The following PITPNC1 variants were observed in gnomAD, a reference collection of about 807,000 sequenced individuals.
The protein encoded by PITPNC1 is phosphatidylinositol transfer protein cytoplasmic 1, also known as cytoplasmic phosphatidylinositol transfer protein 1.
Under a neutral mutation model 44.7 loss-of-function variants are expected in PITPNC1, and 18 were observed. The observed-to-expected ratio is 0.40, with a 90% CI of 0.28 to 0.60. The LOEUF is 0.60. PITPNC1 is among the 20% of genes least tolerant of loss of function. PITPNC1 has a pLI of 0.39. For missense variants in PITPNC1, 290 were observed against 418.4 expected (o/e 0.69, Z 2.68); for synonymous variants, 141 against 149.6 (o/e 0.94, Z 0.42).
At chr17:67,492,930 A>G (rs1477162606) in intron 1 of PITPNC1, among the ~76,000 whole-genome samples, 1 of 152,194 alleles carries the variant, frequency 6.6e-6, no homozygotes, top group Non-Finnish European at 1.5e-5. Flanking sequence ...GTTTGGGGCT[A>G]CGACAAAGAG....
At chr17:67,562,109 C>G (rs1018850102) in intron 4 of PITPNC1, among the ~76,000 whole-genome samples, 1 of 152,208 alleles carries the variant, frequency 6.6e-6, no homozygotes, top group Non-Finnish European at 1.5e-5. Flanking sequence ...CAAACCATCC[C>G]CCATTCAGAA....
intron 1 of PITPNC1, among the ~76,000 whole-genome samples, chr17:67,476,967 C>T (rs1598721948): frequency 6.6e-6 from 1 of 152,182 alleles, no homozygotes; most frequent in Admixed American, 6.5e-5. Context: ...GAATCAGAAC[C>T]TGCATTGCAA....
chr17:67,473,233 C>A (rs975499506), intron 1 of PITPNC1, among the ~76,000 whole-genome samples: 3 of 151,976 alleles, frequency 2.0e-5, no homozygotes, highest in African/African-American at 7.2e-5. Context: ...TAGAGTCTCA[C>A]TATGTTGCCC....
intron 1 of PITPNC1, among the ~76,000 whole-genome samples, chr17:67,381,490 G>T (rs1335764341): frequency 2.1e-5 from 3 of 141,428 alleles, no homozygotes; most frequent in Non-Finnish European, 3.0e-5. Flanking sequence ...TTTTTGAGAC[G>T]GAATCTCCCT....
At chr17:67,650,552 G>A (rs773692385) in intron 6 of PITPNC1, among the ~76,000 whole-genome samples, 3 of 147,252 alleles carry the variant, frequency 2.0e-5, no homozygotes, top group Non-Finnish European at 4.4e-5. Flanking sequence ...GGGTTTAAGC[G>A]ATTCTCCTGC....
intron 5 of PITPNC1, among the ~76,000 whole-genome samples, chr17:67,624,262 A>T (rs1458482560): frequency 4.6e-5 from 6 of 129,396 alleles, no homozygotes; most frequent in Non-Finnish European, 9.3e-5. Context: ...CCCAGGCTGG[A>T]ATGCAGTGGC....
chr17:67,684,869 CA>C (rs1042904397), intron 8 of PITPNC1, among the ~76,000 whole-genome samples: 3 of 152,152 alleles, frequency 2.0e-5, no homozygotes, highest in African/African-American at 7.2e-5. Context: ...CCCATAGTCA[CA>C]AAGTTTAAGC....
rs565918082 is a variant in PITPNC1, at chr17:67,466,647, C to T, written c.49-66155C>T. 5.9e-5 allele frequency among the ~76,000 whole-genome samples: 9 copies of T among 152,236 alleles called. No homozygotes were observed. In the South Asian group the frequency reaches 1.9e-3, roughly 32 times the overall value. On this transcript the variant is annotated intron_variant, in intron 1 of 8. Transcript: ENST00000581322. ...CCTTCCGAATTCAGTGTTGTTAGCC[C>T]TTTTGCTTGAAAAACCCCCACTCTT... is the stretch of plus-strand genomic sequence containing the variant.
rs377195777 is a variant in PITPNC1 at position 67,692,738 on chromosome 17, C to T, written c.849C>T (p.Asp283=). 4.5e-5 allele frequency: 73 copies of T among 1,613,878 alleles called. No individual in the cohort carries two copies. Among genetic ancestry groups the T allele is most frequent in the African/African-American group, 1.3e-4 (10 of 75,010 alleles). The change falls in exon 9 of 9, where the codon GAC becomes GAT. Residue 283 remains aspartate, a synonymous_variant. Transcript: ENST00000581322. The part of the protein sequence containing the change: ...SSAPSTPLST[D]APEFLSVPKD... Reference sequence around the variant, plus strand: ...CTCCATCCACCCCTCTCTCCACAGACGCACCCGAATTTCTGTCCGTTCCCA... The same window carrying T: ...CTCCATCCACCCCTCTCTCCACAGATGCACCCGAATTTCTGTCCGTTCCCA...
chr17:67,415,076 C>T (rs913824731), intron 1 of PITPNC1, among the ~76,000 whole-genome samples: 4 of 152,092 alleles, frequency 2.6e-5, no homozygotes, highest in Admixed American at 2.6e-4. Flanking sequence ...GACAGGGTTT[C>T]ATCATGTTCA....
At chr17:67,444,031 T>C (rs1244199393) in intron 1 of PITPNC1, among the ~76,000 whole-genome samples, 3 of 152,086 alleles carry the variant, frequency 2.0e-5, no homozygotes, top group East Asian at 1.9e-4. Context: ...TTTTTTACTA[T>C]GGAAACTTTA....
At chr17:67,451,018 A>G (rs940656871) in intron 1 of PITPNC1, among the ~76,000 whole-genome samples, 2 of 152,084 alleles carry the variant, frequency 1.3e-5, no homozygotes, top group Non-Finnish European at 2.9e-5. Flanking sequence ...GCTGTAGCCC[A>G]TATCAGAATC....
chr17:67,489,358 C>A (rs1250019663), intron 1 of PITPNC1, among the ~76,000 whole-genome samples: 2 of 152,260 alleles, frequency 1.3e-5, no homozygotes, highest in Admixed American at 1.3e-4. Context: ...GATGAACCCC[C>A]AAAAGCACAG....
chr17:67,632,009 G>A, intron 5 of PITPNC1, 134 bp from the exon 6 acceptor site: 1 of 613,378 alleles, frequency 1.6e-6, no homozygotes, highest in Non-Finnish European at 2.9e-6. Flanking sequence ...TGCGCATTCT[G>A]AGGCTGGTGA....
rs548613904 is a variant in PITPNC1, at chr17:67,545,952, A to G, written c.198-6305A>G. 9.2e-5 allele frequency among the ~76,000 whole-genome samples: 14 copies of G among 151,984 alleles called. No homozygotes were observed. In the East Asian group the frequency reaches 2.5e-3, roughly 27 times the overall value. ...TGGCCAGGTGCGGTGGCTCACCCCT[A>G]TAATCCCAGCACTTTGGGAGCCCGA... On this transcript the variant is annotated intron_variant, in intron 2 of 8. Coordinates refer to ENST00000581322, the MANE Select transcript of PITPNC1 (RefSeq NM_012417.4).
intron 1 of PITPNC1, among the ~76,000 whole-genome samples, chr17:67,459,462 G>A (rs2039305448): frequency 6.6e-6 from 1 of 152,006 alleles, no homozygotes; most frequent in Admixed American, 6.5e-5. Context: ...GGTGACTCAT[G>A]GTTTCACCTC....
chr17:67,646,356 C>A (rs1217006847), intron 6 of PITPNC1, among the ~76,000 whole-genome samples: 1 of 152,126 alleles, frequency 6.6e-6, no homozygotes, highest in Admixed American at 6.5e-5. Flanking sequence ...TCCAAAAATA[C>A]CCAAGAAAGA....
At chr17:67,425,197 GCACACGCACACACACACA>G (rs1451150762) in intron 1 of PITPNC1, among the ~76,000 whole-genome samples, 1,062 of 98,448 alleles carry the variant, frequency 0.011, 78 homozygotes, top group African/African-American at 0.029. Context: ...GCGCGCGCAC[GCACACGCACACACACACA>G]CACACACACA....
intron 1 of PITPNC1, among the ~76,000 whole-genome samples, chr17:67,415,008 T>G (rs1047635247): frequency 6.6e-6 from 1 of 152,142 alleles, no homozygotes; most frequent in Non-Finnish European, 1.5e-5. Context: ...GCCTCCTGAG[T>G]AGCTGGAACT....
Sources: allele counts gnomAD v4.1 joint callset (sites outside exome capture counted in the v4.1 genomes callset), GRCh38; gene constraint gnomAD v4.1.1; transcripts MANE v1.5; gene names NCBI Gene and HGNC (gene_info 2026-07-23, HGNC 2026-07-21).